Variants in SHANK2 observed in about 807,000 individuals in gnomAD.
SHANK2 encodes the protein SH3 and multiple ankyrin repeat domains protein 2.
Under a neutral mutation model 133.7 loss-of-function variants are expected in SHANK2, and 43 were observed. The observed-to-expected ratio is 0.32, with a 90% CI of 0.25 to 0.41. SHANK2 has a LOEUF of 0.41. Ranked by LOEUF, SHANK2 falls within the 10% of genes least tolerant of loss-of-function variation. SHANK2 has a pLI of 1.00. For synonymous variants in SHANK2, 1,017 were observed against 952.8 expected, an observed-to-expected ratio of 1.07 and a Z score of -1.24; for missense variants, 1,994 against 2,235.8, an observed-to-expected ratio of 0.89 and a Z score of 2.18.
intron 14 of SHANK2, among the ~76,000 whole-genome samples, chr11:70,735,986 C>T (rs1291467361): frequency 6.6e-6 from 1 of 151,922 alleles, no homozygotes; most frequent in East Asian, 1.9e-4. Flanking sequence ...ACCTCAGATC[C>T]TGCCACTTGC....
At position 70,599,905 on chromosome 11, in the gene SHANK2, G is replaced by GAAAGAAAGAGAAAGAAAGAA. The variant is rs1466206835; in HGVS notation, c.2061+59922_2061+59923insTTCTTTCTTTCTCTTTCTTT. On this transcript the variant is annotated intron_variant, in intron 17 of 25. Coordinates refer to ENST00000601538, the MANE Select transcript of SHANK2 (RefSeq NM_012309.5). Reference sequence around the variant, plus strand: ...AAAGAAAGAAAAAGAAAGAAAGAAAGAGAAAGAAAGAAAGAAAGAAAGAAA... The same window carrying GAAAGAAAGAGAAAGAAAGAA: ...AAAGAAAGAAAAAGAAAGAAAGAAAGAAAGAAAGAGAAAGAAAGAAAGAAAGAAAGAAAGAAAGAAAGAAA... Among the ~76,000 whole-genome samples, 309 of 73,616 alleles carry GAAAGAAAGAGAAAGAAAGAA rather than the reference G, an allele frequency of 4.2e-3. 1 individual carries two copies. The highest frequency in any genetic ancestry group is 4.6e-3 in the Admixed American group (28 of 6,102). The allele number at this position is 73,616 out of a possible 152,430, so 48.3% of individuals were successfully genotyped here.
intron 17 of SHANK2, among the ~76,000 whole-genome samples, chr11:70,599,793 A>G (rs1554990446): frequency 6.7e-6 from 1 of 149,990 alleles, no homozygotes; most frequent in Non-Finnish European, 1.5e-5. Context: ...TTCTGAAAGA[A>G]GAAAAGAAAA....
chr11:71,236,245 G>A (rs1352764794), intron 1 of SHANK2, among the ~76,000 whole-genome samples: 1 of 152,164 alleles, frequency 6.6e-6, no homozygotes, highest in Non-Finnish European at 1.5e-5. Context: ...AATTATTCAG[G>A]AACAAAATTT....
chr11:70,869,874 A>G (rs868906634), intron 11 of SHANK2, among the ~76,000 whole-genome samples: 32 of 152,096 alleles, frequency 2.1e-4, no homozygotes, highest in Admixed American at 1.6e-3. Context: ...GGACCTCACC[A>G]CCAATTATGT....
At chr11:70,634,374 A>G (rs1271708366) in intron 17 of SHANK2, 2 of 152,240 alleles carry the variant, frequency 1.3e-5, no homozygotes, top group Non-Finnish European at 2.9e-5. Flanking sequence ...ACAGCCAATA[A>G]AAGAAAAAAT....
At chr11:70,512,114 G>A (rs2059212101) in intron 17 of SHANK2, among the ~76,000 whole-genome samples, 2 of 152,222 alleles carry the variant, frequency 1.3e-5, no homozygotes, top group South Asian at 4.1e-4. Context: ...CTCAGAGTTT[G>A]TGAAATGTGG....
chr11:71,208,976 A>G (rs1195797881), intron 2 of SHANK2, among the ~76,000 whole-genome samples: 1 of 152,194 alleles, frequency 6.6e-6, no homozygotes, highest in Non-Finnish European at 1.5e-5. Context: ...TGCAGAAGTA[A>G]GATGCACCGT....
intron 9 of SHANK2, among the ~76,000 whole-genome samples, chr11:71,058,837 G>A (rs1950952741): frequency 6.6e-6 from 1 of 152,264 alleles, no homozygotes; most frequent in South Asian, 2.1e-4. Flanking sequence ...GGCCCCGGGG[G>A]AACCCCATCC....
chr11:70,853,423 C>T (rs1949120552), intron 11 of SHANK2, among the ~76,000 whole-genome samples: 1 of 152,212 alleles, frequency 6.6e-6, no homozygotes, highest in Non-Finnish European at 1.5e-5. Context: ...CGGCCATTGT[C>T]ACCCAGTGAC....
intron 17 of SHANK2, among the ~76,000 whole-genome samples, chr11:70,568,962 C>T (rs367966894): frequency 3.5e-4 from 53 of 152,296 alleles, no homozygotes; most frequent in African/African-American, 1.2e-3. Context: ...GTGGACTCAG[C>T]ATCCACGTCC....
At chr11:70,680,738 C>T (rs4544023) in intron 15 of SHANK2, among the ~76,000 whole-genome samples, 2 of 152,238 alleles carry the variant, frequency 1.3e-5, no homozygotes, top group Non-Finnish European at 2.9e-5. Context: ...CAGCCTCTCT[C>T]TCTTTCCCTG....
intron 15 of SHANK2, among the ~76,000 whole-genome samples, chr11:70,664,543 A>G (rs1285516751): frequency 1.3e-5 from 2 of 152,168 alleles, no homozygotes; most frequent in Admixed American, 6.5e-5. Context: ...CTGGGGACAC[A>G]TGGGCTGATC....
chr11:70,726,836 C>T (rs868964172), intron 14 of SHANK2, among the ~76,000 whole-genome samples: 8 of 152,334 alleles, frequency 5.3e-5, no homozygotes, highest in South Asian at 2.1e-4. Context: ...CAAAAGGCCT[C>T]ATGTGCTTCT....
At chr11:70,805,604 GGTAA>G (rs1948140790) in intron 13 of SHANK2, among the ~76,000 whole-genome samples, 1 of 152,156 alleles carries the variant, frequency 6.6e-6, no homozygotes, top group Admixed American at 6.5e-5. Context: ...AAGTTGATGG[GGTAA>G]GTGTGAAGGA....
At chr11:71,195,028 C>T (rs368640390) in intron 2 of SHANK2, among the ~76,000 whole-genome samples, 2 of 152,302 alleles carry the variant, frequency 1.3e-5, no homozygotes, top group African/African-American at 4.8e-5. Flanking sequence ...CCACCTGACG[C>T]GTGTTGTATG....
At chr11:71,076,035 C>T (rs1951213728) in intron 8 of SHANK2, among the ~76,000 whole-genome samples, 1 of 152,166 alleles carries the variant, frequency 6.6e-6, no homozygotes, top group African/African-American at 2.4e-5. Flanking sequence ...TCACGTGGGA[C>T]AAAGAACACC....
intron 17 of SHANK2, among the ~76,000 whole-genome samples, chr11:70,581,622 C>T (rs762929785): frequency 1.1e-4 from 17 of 152,296 alleles, no homozygotes; most frequent in Admixed American, 2.0e-4. Context: ...ACCCGGGAGG[C>T]GGAGGTTGCA....
At chr11:70,936,727 G>C (rs1022208441) in intron 10 of SHANK2, among the ~76,000 whole-genome samples, 23 of 152,150 alleles carry the variant, frequency 1.5e-4, no homozygotes, top group Non-Finnish European at 1.3e-4. Context: ...GCTGGTGCAG[G>C]CCGGGTGGGT....
intron 3 of SHANK2, among the ~76,000 whole-genome samples, chr11:71,137,258 T>A (rs1555104935): frequency 6.6e-6 from 1 of 151,620 alleles, no homozygotes; most frequent in African/African-American, 2.4e-5. Context: ...CTTTTCTTTT[T>A]TTTTAAATCC....
Sources: gnomAD v4.1 joint callset for allele counts (sites outside exome capture counted in the v4.1 genomes callset) on GRCh38, gnomAD v4.1.1 for gene constraint, MANE v1.5 for transcripts, NCBI Gene and HGNC (gene_info 2026-07-23, HGNC 2026-07-21) for gene names.